Variants in THSD7A observed in about 807,000 individuals in gnomAD.
The protein encoded by THSD7A is thrombospondin type 1 domain containing 7A, also known as thrombospondin type-1 domain-containing protein 7A.
In THSD7A, 96 loss-of-function variants were observed where a neutral mutation model predicts 231.3. The observed-to-expected ratio is 0.41, with a 90% confidence interval of 0.35 to 0.49. THSD7A has a LOEUF of 0.49. Ranked by LOEUF, THSD7A falls within the 20% of genes least tolerant of loss-of-function variation. The probability of loss-of-function intolerance (pLI) is 0.05; values close to 1 mark genes in which losing one functional copy is unlikely to be tolerated. For synonymous variants in THSD7A, 940 were observed against 743.3 expected (o/e 1.26, Z -4.30); for missense variants, 2,290 against 2,070.2 (o/e 1.11, Z -2.06).
At chr7:11,770,984 T>C (rs1783207759) in intron 1 of THSD7A, among the ~76,000 whole-genome samples, 1 of 151,450 alleles carries the variant, frequency 6.6e-6, no homozygotes. Flanking sequence ...TCATGAATTT[T>C]TTGATACATA....
intron 1 of THSD7A, among the ~76,000 whole-genome samples, chr7:11,649,417 C>T (rs1269301425): frequency 6.6e-6 from 1 of 151,930 alleles, no homozygotes. Context: ...TTATAAGCTG[C>T]TAAATTTTGA....
chr7:11,579,361 AGT>A (rs1791056769), intron 4 of THSD7A, among the ~76,000 whole-genome samples: 1 of 152,198 alleles, frequency 6.6e-6, no homozygotes, highest in Non-Finnish European at 1.5e-5. Context: ...AGATAGCAGG[AGT>A]GTGCCTCTGA....
rs559300303 is a variant in THSD7A, at chr7:11,603,951, T to G, written c.1023-10449A>C. Reference sequence around the variant, plus strand: ...CTAGATGACGAGTTAGTGGGTGCAGTGCACCAGCATGGCGCATGTATACAT... The same window carrying G: ...CTAGATGACGAGTTAGTGGGTGCAGGGCACCAGCATGGCGCATGTATACAT... On this transcript the variant is annotated intron_variant, in intron 2 of 27. Transcript: ENST00000423059. Among the ~76,000 whole-genome samples the G allele has an allele frequency of 9.3e-5, 14 of 151,128 alleles. No individual in the cohort carries two copies. In the East Asian group the frequency reaches 2.8e-3, roughly 30 times the overall value.
At chr7:11,434,567 A>T (rs1307042185) in intron 13 of THSD7A, among the ~76,000 whole-genome samples, 2 of 152,146 alleles carry the variant, frequency 1.3e-5, no homozygotes, top group Non-Finnish European at 2.9e-5. Flanking sequence ...CATAGAAAAT[A>T]CTGGTTGCTT....
intron 11 of THSD7A, among the ~76,000 whole-genome samples, chr7:11,453,600 A>G (rs35500686): frequency 0.022 from 3,348 of 152,088 alleles, 53 homozygotes; most frequent in Non-Finnish European, 0.035. Context: ...TAGACGGGGT[A>G]GACCCTAGAA....
chr7:11,604,517 T>G (rs1488353668), intron 2 of THSD7A, among the ~76,000 whole-genome samples: 2 of 152,050 alleles, frequency 1.3e-5, no homozygotes, highest in Non-Finnish European at 2.9e-5. Context: ...AAAGCTTTCT[T>G]TAACATCACA....
At chr7:11,786,383 G>A (rs62433455) in intron 1 of THSD7A, among the ~76,000 whole-genome samples, 47,625 of 151,808 alleles carry the variant, frequency 0.31, 7,727 homozygotes, top group Middle Eastern at 0.44. Context: ...AAACAGGAGA[G>A]CTTGCCAGGA....
At chr7:11,704,231 A>C (rs1185270072) in intron 1 of THSD7A, among the ~76,000 whole-genome samples, 1 of 151,098 alleles carries the variant, frequency 6.6e-6, no homozygotes, top group East Asian at 2.0e-4. Flanking sequence ...CATTACTCCT[A>C]TTACAAGGCT....
chr7:11,757,573 A>G (rs1782726556), intron 1 of THSD7A, among the ~76,000 whole-genome samples: 1 of 152,054 alleles, frequency 6.6e-6, no homozygotes, highest in South Asian at 2.1e-4. Context: ...TCATTATTTA[A>G]GTAATACTAA....
intron 2 of THSD7A, among the ~76,000 whole-genome samples, chr7:11,603,006 CA>C (rs2128345253): frequency 6.6e-6 from 1 of 151,040 alleles, no homozygotes; most frequent in South Asian, 2.1e-4. Flanking sequence ...GCAATGGCAA[CA>C]AAAGACAAAA....
chr7:11,655,397 C>A (rs541551556), intron 1 of THSD7A, among the ~76,000 whole-genome samples: 6 of 151,778 alleles, frequency 4.0e-5, no homozygotes, highest in Non-Finnish European at 8.8e-5. Flanking sequence ...GACAGCTACA[C>A]CTACTAGAGG....
At chr7:11,725,304 C>A (rs958284437) in intron 1 of THSD7A, among the ~76,000 whole-genome samples, 1 of 151,872 alleles carries the variant, frequency 6.6e-6, no homozygotes, top group African/African-American at 2.4e-5. Flanking sequence ...TTTGAGATGT[C>A]TTTAGTAGAA....
At chr7:11,521,203 G>T (rs1457080920) in intron 6 of THSD7A, among the ~76,000 whole-genome samples, 1 of 147,518 alleles carries the variant, frequency 6.8e-6, no homozygotes, top group South Asian at 2.1e-4. Flanking sequence ...GACAAATACA[G>T]AACAGTCCTT....
At position 11,637,464 on chromosome 7, in the gene THSD7A, C is replaced by T. The variant is rs542630866; in HGVS notation, c.191-503G>A. Among the ~76,000 whole-genome samples the T allele has an allele frequency of 4.6e-5, 7 of 152,268 alleles. No individual in the cohort carries two copies. In the South Asian group the frequency reaches 1.0e-3, roughly 23 times the overall value. ...ATTTTATTTTCATAGACTATGACTG[C>T]AAGGGTCTAATAGTTGTATATCATG... On this transcript the variant is annotated intron_variant, in intron 1 of 27. Transcript: ENST00000423059. The surrounding 1 kb of genome is among the most constrained non-coding windows in gnomAD (Gnocchi z 4.2).
intron 13 of THSD7A, among the ~76,000 whole-genome samples, chr7:11,435,892 T>G (rs1405387459): frequency 6.6e-6 from 1 of 152,022 alleles, no homozygotes; most frequent in Non-Finnish European, 1.5e-5. Context: ...AGGAGTCTTG[T>G]GGAGTACTGG....
intron 2 of THSD7A, among the ~76,000 whole-genome samples, chr7:11,621,270 C>T (rs983122569): frequency 1.3e-5 from 2 of 152,160 alleles, no homozygotes; most frequent in Non-Finnish European, 2.9e-5. Flanking sequence ...ATCCATTATA[C>T]GTTTCACTCA....
At chr7:11,563,335 G>A in intron 4 of THSD7A, among the ~76,000 whole-genome samples, 1 of 152,010 alleles carries the variant, frequency 6.6e-6, no homozygotes, top group East Asian at 1.9e-4. Context: ...GTCCTTTTTA[G>A]CTACGATAAC....
intron 1 of THSD7A, among the ~76,000 whole-genome samples, chr7:11,657,539 C>A (rs1432816607): frequency 6.6e-6 from 1 of 151,718 alleles, no homozygotes; most frequent in African/African-American, 2.4e-5. Context: ...CTTCAATAAC[C>A]TGCTTTAATT....
intron 4 of THSD7A, among the ~76,000 whole-genome samples, chr7:11,555,007 C>A (rs1054233883): frequency 2.0e-5 from 3 of 151,728 alleles, no homozygotes; most frequent in Non-Finnish European, 4.4e-5. Flanking sequence ...TCTTTTATCA[C>A]CCTTGCTAGA....
Sources: allele counts gnomAD v4.1 joint callset (sites outside exome capture counted in the v4.1 genomes callset), GRCh38; gene constraint gnomAD v4.1.1; non-coding constraint Gnocchi (gnomAD v3.1); transcripts MANE v1.5; gene names NCBI Gene and HGNC (gene_info 2026-07-23, HGNC 2026-07-21).